ZNF676: variants seen among roughly 807,000 people sequenced by gnomAD.
The protein encoded by ZNF676 is zinc finger protein 676.
A neutral mutation model predicts 6.0 loss-of-function variants in ZNF676; 4 were observed. The observed-to-expected ratio is 0.67, with a 90% CI of 0.33 to 1.53. ZNF676 has a LOEUF of 1.53. ZNF676 is among the 40% of genes most tolerant of loss of function. ZNF676 has a pLI of 0.06. For missense variants in ZNF676, 644 were observed against 679.7 expected (o/e 0.95, Z 0.58); for synonymous variants, 198 against 223.1 (o/e 0.89, Z 1.00).
chr19:22,192,943 A>G, intron 2 of ZNF676, 73 bp downstream of exon 2: 1 of 1,406,694 alleles, frequency 7.1e-7, no homozygotes, highest in Non-Finnish European at 9.4e-7. Context: ...AGCTTCCCAA[A>G]TGACTTTAAG....
At chr19:22,235,101 AAGTCAGGAAGGCAGGAAGGC>A in the ZNF676 span, among the ~76,000 whole-genome samples, 300 of 133,876 alleles carry the variant, frequency 2.2e-3, 5 homozygotes, top group African/African-American at 8.8e-3. Flanking sequence ...AGGAAGAAGG[AAGTCAGGAAGGCAGGAAGGC>A]AGGAAGGAAG....
the ZNF676 span, among the ~76,000 whole-genome samples, chr19:22,242,144 GTTA>G: frequency 6.6e-6 from 1 of 152,044 alleles, no homozygotes; most frequent in South Asian, 2.1e-4. Flanking sequence ...TGGTATGAGA[GTTA>G]TTATTGCACC....
intron 1 of ZNF676, among the ~76,000 whole-genome samples, chr19:22,193,444 G>C (rs8105545): frequency 6.6e-6 from 1 of 151,848 alleles, no homozygotes; most frequent in African/African-American, 2.4e-5. Flanking sequence ...GGTCTTAAAG[G>C]AGACCCTTCT....
the ZNF676 span, among the ~76,000 whole-genome samples, chr19:22,254,862 C>T: frequency 6.6e-6 from 1 of 152,148 alleles, no homozygotes; most frequent in Non-Finnish European, 1.5e-5. Flanking sequence ...TCTCACACCA[C>T]CTAGATGCTG....
chr19:22,218,929 GTTGTT>G (rs201613998), upstream of ZNF676, among the ~76,000 whole-genome samples: 14 of 148,604 alleles, frequency 9.4e-5, no homozygotes, highest in East Asian at 4.0e-4. Flanking sequence ...TTTTGATTTT[GTTGTT>G]TTGTTTTGTT....
chr19:22,233,225 C>T, the ZNF676 span, among the ~76,000 whole-genome samples: 10 of 152,224 alleles, frequency 6.6e-5, no homozygotes, highest in South Asian at 6.2e-4. Context: ...ATGTTGCCCA[C>T]GCTGGTCTCC....
chr19:22,254,361 A>T, the ZNF676 span, among the ~76,000 whole-genome samples: 1 of 152,174 alleles, frequency 6.6e-6, no homozygotes, highest in Non-Finnish European at 1.5e-5. Flanking sequence ...GGATGCAGGC[A>T]AAAGAAGAGA....
chr19:22,181,890 A>G (rs1190722330), intron 2 of ZNF676, among the ~76,000 whole-genome samples: 3 of 151,638 alleles, frequency 2.0e-5, no homozygotes, highest in African/African-American at 7.3e-5. Flanking sequence ...GCTCCTCAAT[A>G]TTACCTAGTC....
chr19:22,219,505 T>A (rs1382736472), upstream of ZNF676, among the ~76,000 whole-genome samples: 1 of 152,168 alleles, frequency 6.6e-6, no homozygotes, highest in African/African-American at 2.4e-5. Flanking sequence ...TTCTGTTTAT[T>A]TTTTGCTTTA....
At chr19:22,186,591 T>C (rs913955798) in intron 2 of ZNF676, among the ~76,000 whole-genome samples, 11 of 152,146 alleles carry the variant, frequency 7.2e-5, no homozygotes, top group Admixed American at 2.6e-4. Context: ...GACTGGCAAA[T>C]TGAATAAAGA....
intron 1 of ZNF676, among the ~76,000 whole-genome samples, chr19:22,211,317 A>G (rs1156971666): frequency 6.6e-6 from 1 of 152,100 alleles, no homozygotes; most frequent in Non-Finnish European, 1.5e-5. Context: ...CATCTGCAGG[A>G]AAGGCTTTCC....
the ZNF676 span, among the ~76,000 whole-genome samples, chr19:22,224,962 A>AT: frequency 6.6e-6 from 1 of 152,088 alleles, no homozygotes; most frequent in South Asian, 2.1e-4. Context: ...GCCACTACAC[A>AT]CCAGTTTGGG....
At chr19:22,185,021 G>A (rs2023816004) in intron 2 of ZNF676, among the ~76,000 whole-genome samples, 1 of 152,010 alleles carries the variant, frequency 6.6e-6, no homozygotes, top group South Asian at 2.1e-4. Context: ...GCGCTGCTAA[G>A]GGTCATACTG....
At chr19:22,238,420 C>T in the ZNF676 span, among the ~76,000 whole-genome samples, 4 of 152,072 alleles carry the variant, frequency 2.6e-5, no homozygotes, top group Non-Finnish European at 5.9e-5. Context: ...GTGTCAAATG[C>T]ATTTATTTTA....
In ZNF676 at chr19:22,184,826, G is replaced by GAAAAAAAAA. The variant is rs144833243; in HGVS notation, c.131-3249_131-3241dup. 6.8e-4 allele frequency among the ~76,000 whole-genome samples: 36 copies of GAAAAAAAAA among 52,690 alleles called. 3 individuals are homozygous for GAAAAAAAAA. Among genetic ancestry groups the GAAAAAAAAA allele is most frequent in the African/African-American group, 2.7e-3 (34 of 12,572 alleles). The allele number at this position is 52,690 out of a possible 152,430, so 34.6% of individuals were successfully genotyped here. A position where few individuals can be genotyped will look rare whatever the true frequency, so the allele number is the denominator to read the frequency against. On this transcript the variant is annotated intron_variant, in intron 2 of 2. Coordinates refer to ENST00000397121, the MANE Select transcript of ZNF676 (RefSeq NM_001001411.3). ...CCTCCTCTTTGGGCAGGGCATCTTT[G>GAAAAAAAAA]AAAAAAAAAAAAAAAAAAAAAAAAA...
chr19:22,193,197 TA>T (rs2023930688), intron 1 of ZNF676, 86 bp from the exon 2 acceptor site: 2 of 1,330,154 alleles, frequency 1.5e-6, no homozygotes, highest in Non-Finnish European at 2.0e-6. Context: ...GAGGATGTAA[TA>T]GAATATTCTA....
At chr19:22,191,198 T>A (rs1437102009) in intron 2 of ZNF676, among the ~76,000 whole-genome samples, 1 of 152,142 alleles carries the variant, frequency 6.6e-6, no homozygotes, top group African/African-American at 2.4e-5. Context: ...GTGAGGGAAT[T>A]GTGAAACTTT....
the ZNF676 span, among the ~76,000 whole-genome samples, chr19:22,232,491 T>C: frequency 6.6e-6 from 1 of 152,102 alleles, no homozygotes; most frequent in South Asian, 2.1e-4. Flanking sequence ...CAATACCCCA[T>C]TTTGTATAAT....
In ZNF676 at chr19:22,179,453, T is replaced by C. The variant is rs757431057; in HGVS notation, c.*497A>G. 19 of 367,046 alleles carry C rather than the reference T, an allele frequency of 5.2e-5. No homozygotes were observed. Among genetic ancestry groups the C allele is most frequent in the Middle Eastern group, 4.0e-4 (1 of 2,520 alleles). 22.7% of individuals were successfully genotyped at this position (367,046 alleles called of 1,614,324 possible). On this transcript the variant is annotated 3_prime_UTR_variant, in exon 3 of 3. Coordinates refer to ENST00000397121, the MANE Select transcript of ZNF676 (RefSeq NM_001001411.3). ...GCCACATTCCACACAATTATAGGAA[T>C]TCCCTCCAGTATGAATTACATGAAT...
Sources: allele counts gnomAD v4.1 joint callset (sites outside exome capture counted in the v4.1 genomes callset), GRCh38; gene constraint gnomAD v4.1.1; transcripts MANE v1.5; gene names NCBI Gene and HGNC (gene_info 2026-07-23, HGNC 2026-07-21).